Variants in ARHGAP15 observed in about 807,000 individuals in gnomAD.
ARHGAP15 encodes rho GTPase-activating protein 15.
A neutral mutation model predicts 63.7 loss-of-function variants in ARHGAP15; 51 were observed. The observed-to-expected ratio is 0.80, with a 90% confidence interval of 0.64 to 1.01. ARHGAP15 has a LOEUF of 1.01. ARHGAP15 is among the 50% of genes least tolerant of loss of function. ARHGAP15 has a pLI of 0.00. For missense variants in ARHGAP15, 560 were observed against 564.6 expected (o/e 0.99, Z 0.08); for synonymous variants, 191 against 193.8 (o/e 0.99, Z 0.12).
At chr2:143,575,895 G>A (rs939339717) in intron 11 of ARHGAP15, among the ~76,000 whole-genome samples, 19 of 152,048 alleles carry the variant, frequency 1.2e-4, no homozygotes, top group Non-Finnish European at 2.8e-4. Flanking sequence ...CATGTTAATA[G>A]TCTTATTCTG....
rs1689699532 is a variant in ARHGAP15, at chr2:143,438,210, A to G, written c.703+1168A>G. On this transcript the variant is annotated intron_variant, in intron 8 of 13. Transcript: ENST00000295095. ...TCCTAAACTTTAGAATTTAAAGAGA[A>G]CTCAGTAAGTTGAGAAGAGCTGCTA... 3.9e-5 allele frequency among the ~76,000 whole-genome samples: 6 copies of G among 152,114 alleles called. 1 individual carries two copies. The South Asian group carries it at 1.2e-3, about 32-fold the overall frequency.
intron 8 of ARHGAP15, among the ~76,000 whole-genome samples, chr2:143,485,691 T>C (rs1447608652): frequency 6.6e-6 from 1 of 152,178 alleles, no homozygotes; most frequent in Admixed American, 6.5e-5. Flanking sequence ...GGCGTGCTGC[T>C]GGCATATTGT....
chr2:143,256,516 A>G (rs1297689536), intron 6 of ARHGAP15, among the ~76,000 whole-genome samples: 2 of 152,118 alleles, frequency 1.3e-5, no homozygotes, highest in Non-Finnish European at 2.9e-5. Flanking sequence ...ACTTAAAAGC[A>G]TATCACCTTG....
intron 4 of ARHGAP15, among the ~76,000 whole-genome samples, chr2:143,224,357 A>AT (rs1402052749): frequency 3.9e-5 from 6 of 152,164 alleles, no homozygotes; most frequent in Non-Finnish European, 5.9e-5. Context: ...AAAAATCTCG[A>AT]TTTTTTCTGA....
At chr2:143,244,536 ATGTCTGGCGT>A (rs1693975303) in intron 5 of ARHGAP15, among the ~76,000 whole-genome samples, 1 of 152,222 alleles carries the variant, frequency 6.6e-6, no homozygotes, top group South Asian at 2.1e-4. Context: ...CAAATCCCAA[ATGTCTGGCGT>A]TGTGAAAACA....
chr2:143,598,445 A>G (rs1375959637), intron 11 of ARHGAP15, among the ~76,000 whole-genome samples: 2 of 152,176 alleles, frequency 1.3e-5, no homozygotes, highest in South Asian at 4.1e-4. Context: ...CCATCATGCT[A>G]TGTTACACAG....
intron 6 of ARHGAP15, among the ~76,000 whole-genome samples, chr2:143,354,031 TTGG>T (rs10551560): frequency 1 from 151,815 of 151,822 alleles, 75,904 homozygotes; most frequent in Non-Finnish European, 1. Context: ...CTCCCTTGCA[TTGG>T]TGGCCTCAGT....
intron 11 of ARHGAP15, among the ~76,000 whole-genome samples, chr2:143,585,163 C>T (rs1191114371): frequency 6.6e-6 from 1 of 152,148 alleles, no homozygotes; most frequent in African/African-American, 2.4e-5. Flanking sequence ...GAGATTTTCT[C>T]AGCTCCATGC....
intron 10 of ARHGAP15, among the ~76,000 whole-genome samples, chr2:143,537,696 C>A (rs1487607352): frequency 4.6e-5 from 7 of 152,090 alleles, no homozygotes; most frequent in African/African-American, 1.2e-4. Context: ...TGTAGATATG[C>A]AGCATTATTT....
intron 5 of ARHGAP15, among the ~76,000 whole-genome samples, 160 bp from the exon 6 acceptor site, chr2:143,250,351 C>G (rs1230544977): frequency 6.6e-6 from 1 of 151,682 alleles, no homozygotes; most frequent in Non-Finnish European, 1.5e-5. Flanking sequence ...AAAATTAGGT[C>G]CCAAATGAAA....
intron 12 of ARHGAP15, among the ~76,000 whole-genome samples, chr2:143,694,105 A>G (rs932982567): frequency 2.8e-4 from 42 of 152,220 alleles, no homozygotes; most frequent in African/African-American, 9.9e-4. Context: ...TAATGAAAGA[A>G]TGTTCATATT....
chr2:143,762,526 AG>A (rs1321051116), intron 13 of ARHGAP15, among the ~76,000 whole-genome samples: 4 of 152,188 alleles, frequency 2.6e-5, no homozygotes, highest in Admixed American at 2.0e-4. Flanking sequence ...CTGTGAAGCC[AG>A]GGTGGCATAG....
chr2:143,529,871 TGCC>T (rs1694447421), intron 10 of ARHGAP15, among the ~76,000 whole-genome samples: 1 of 152,154 alleles, frequency 6.6e-6, no homozygotes, highest in East Asian at 1.9e-4. Context: ...GAGCCCTTAT[TGCC>T]TGGAACTACA....
intron 11 of ARHGAP15, among the ~76,000 whole-genome samples, chr2:143,573,277 GT>G (rs1031580251): frequency 1.3e-5 from 2 of 152,144 alleles, no homozygotes; most frequent in Admixed American, 1.3e-4. Context: ...AGGGCTTAAA[GT>G]TTCAAGGACT....
chr2:143,436,599 T>A (rs1234669458), intron 7 of ARHGAP15, among the ~76,000 whole-genome samples: 2 of 152,150 alleles, frequency 1.3e-5, no homozygotes, highest in African/African-American at 4.8e-5. Flanking sequence ...TGTGTGGCCT[T>A]AGGCAAATTA....
chr2:143,313,020 G>A (rs1255742170), intron 6 of ARHGAP15, among the ~76,000 whole-genome samples: 2 of 152,074 alleles, frequency 1.3e-5, no homozygotes, highest in Non-Finnish European at 2.9e-5. Flanking sequence ...CTTCCCAGTA[G>A]CAGTAATTTA....
At chr2:143,638,602 GTAAC>G (rs1194019602) in intron 12 of ARHGAP15, among the ~76,000 whole-genome samples, 1 of 147,226 alleles carries the variant, frequency 6.8e-6, no homozygotes, top group African/African-American at 2.5e-5. Context: ...GTATACATAT[GTAAC>G]TAACCTGCAC....
At chr2:143,404,820 A>C (rs1281572001) in intron 6 of ARHGAP15, among the ~76,000 whole-genome samples, 1 of 152,010 alleles carries the variant, frequency 6.6e-6, no homozygotes, top group African/African-American at 2.4e-5. Flanking sequence ...TTATAAAATA[A>C]GAAAAAGTAA....
At chr2:143,342,515 G>C (rs945183394) in intron 6 of ARHGAP15, among the ~76,000 whole-genome samples, 9 of 152,042 alleles carry the variant, frequency 5.9e-5, no homozygotes, top group African/African-American at 2.2e-4. Flanking sequence ...TATTCATCCA[G>C]ACACATGATT....
Sources: allele counts gnomAD v4.1 joint callset (sites outside exome capture counted in the v4.1 genomes callset), GRCh38; gene constraint gnomAD v4.1.1; transcripts MANE v1.5; gene names NCBI Gene and HGNC (gene_info 2026-07-23, HGNC 2026-07-21).